SCHIP1: variants seen among roughly 807,000 people sequenced by gnomAD.
The protein encoded by SCHIP1 is schwannomin interacting protein 1, also known as schwannomin-interacting protein 1.
A neutral mutation model predicts 29.7 loss-of-function variants in SCHIP1; 8 were observed. The observed-to-expected ratio is 0.27, with a 90% CI of 0.16 to 0.49. The LOEUF (loss-of-function observed/expected upper bound fraction) is 0.49. Ranked by LOEUF, SCHIP1 falls within the 20% of genes least tolerant of loss-of-function variation. The pLI is 0.99. For missense variants in SCHIP1, 193 were observed against 294.6 expected, an observed-to-expected ratio of 0.66 and a Z score of 2.52; for synonymous variants, 76 against 94.9, an observed-to-expected ratio of 0.80 and a Z score of 1.16.
chr3:159,440,415 T>A, the SCHIP1 span, among the ~76,000 whole-genome samples: 1 of 152,142 alleles, frequency 6.6e-6, no homozygotes, highest in Non-Finnish European at 1.5e-5. Flanking sequence ...CTTAATGATA[T>A]GGCTGCACCT....
the SCHIP1 span, among the ~76,000 whole-genome samples, chr3:159,412,308 T>A: frequency 3.3e-5 from 5 of 152,206 alleles, no homozygotes; most frequent in Admixed American, 6.5e-5. Flanking sequence ...CATCTTTTGT[T>A]ATGAGGATTA....
the SCHIP1 span, among the ~76,000 whole-genome samples, chr3:159,660,274 G>A: frequency 1.3e-5 from 2 of 152,116 alleles, no homozygotes; most frequent in African/African-American, 2.4e-5. Flanking sequence ...GAGTATAGAT[G>A]ATGTCTGTGA....
chr3:159,781,054 T>C, the SCHIP1 span, among the ~76,000 whole-genome samples: 6 of 152,380 alleles, frequency 3.9e-5, no homozygotes, highest in African/African-American at 1.4e-4. Context: ...ATTTTTAATG[T>C]GAATTAAAGA....
the SCHIP1 span, among the ~76,000 whole-genome samples, chr3:159,468,737 A>ATAATATAATATATATATATATATAT: frequency 5.3e-5 from 7 of 132,972 alleles, no homozygotes; most frequent in East Asian, 2.2e-4. Flanking sequence ...TATATAATAT[A>ATAATATAATATATATATATATATAT]ATATATAATA....
At chr3:159,496,969 G>A in the SCHIP1 span, among the ~76,000 whole-genome samples, 29 of 152,140 alleles carry the variant, frequency 1.9e-4, 1 homozygote, top group South Asian at 2.5e-3. Context: ...CATGGATGAC[G>A]CTGGAAACCA....
At chr3:159,855,736 A>G (rs1185455588) in intron 1 of SCHIP1, among the ~76,000 whole-genome samples, 1 of 152,278 alleles carries the variant, frequency 6.6e-6, no homozygotes, top group South Asian at 2.1e-4. Flanking sequence ...AAAAATTGAT[A>G]CATCCCTGCT....
At chr3:159,496,968 C>A in the SCHIP1 span, among the ~76,000 whole-genome samples, 4 of 152,134 alleles carry the variant, frequency 2.6e-5, no homozygotes, top group East Asian at 1.9e-4. Flanking sequence ...ACATGGATGA[C>A]GCTGGAAACC....
the SCHIP1 span, among the ~76,000 whole-genome samples, chr3:159,318,630 C>CCTATTAT: frequency 6.6e-6 from 1 of 152,194 alleles, no homozygotes; most frequent in Non-Finnish European, 1.5e-5. Context: ...AGGGAACTCC[C>CCTATTAT]CCTGAGGCCA....
At chr3:159,710,816 G>A in the SCHIP1 span, among the ~76,000 whole-genome samples, 1 of 152,090 alleles carries the variant, frequency 6.6e-6, no homozygotes, top group Non-Finnish European at 1.5e-5. Context: ...GAGAAAAACA[G>A]GATAGTAACC....
upstream of SCHIP1, among the ~76,000 whole-genome samples, chr3:159,835,768 G>A (rs1026447546): frequency 4.6e-5 from 7 of 151,982 alleles, no homozygotes; most frequent in African/African-American, 1.2e-4. Context: ...TGCCCCTTCC[G>A]GGTCAGTTCC....
At chr3:159,387,303 C>G in the SCHIP1 span, 1 of 289,880 alleles carries the variant, frequency 3.4e-6, no homozygotes, top group Non-Finnish European at 6.8e-6. Context: ...TGAGGGATGC[C>G]CCCAGGAAAA....
the SCHIP1 span, among the ~76,000 whole-genome samples, chr3:159,415,338 T>C: frequency 1.3e-5 from 2 of 152,132 alleles, no homozygotes; most frequent in Admixed American, 1.3e-4. Context: ...CATGAGAAGG[T>C]TCGTTATATA....
At chr3:159,724,738 G>A in the SCHIP1 span, among the ~76,000 whole-genome samples, 1 of 152,304 alleles carries the variant, frequency 6.6e-6, no homozygotes, top group South Asian at 2.1e-4. Flanking sequence ...TCCTTTGCAA[G>A]TCAAGTGGTT....
At chr3:159,511,179 C>T in the SCHIP1 span, among the ~76,000 whole-genome samples, 5 of 152,340 alleles carry the variant, frequency 3.3e-5, no homozygotes, top group South Asian at 4.1e-4. Flanking sequence ...GGGCACCCCT[C>T]GCCCAGCCTC....
chr3:159,351,399 C>A, the SCHIP1 span, among the ~76,000 whole-genome samples: 1 of 152,082 alleles, frequency 6.6e-6, no homozygotes, highest in African/African-American at 2.4e-5. Context: ...CCAATACCTC[C>A]CACTTATTCT....
At chr3:159,626,175 T>G in the SCHIP1 span, among the ~76,000 whole-genome samples, 122 of 107,624 alleles carry the variant, frequency 1.1e-3, 4 homozygotes, top group African/African-American at 1.8e-3. Context: ...GATATATCTA[T>G]CTATCTAGAT....
the SCHIP1 span, among the ~76,000 whole-genome samples, chr3:159,574,777 C>G: frequency 6.6e-6 from 1 of 152,220 alleles, no homozygotes; most frequent in Non-Finnish European, 1.5e-5. Context: ...CCAGTTCGAG[C>G]TTCCCAGCCA....
At chr3:159,473,621 G>C in the SCHIP1 span, among the ~76,000 whole-genome samples, 1 of 146,964 alleles carries the variant, frequency 6.8e-6, no homozygotes, top group Non-Finnish European at 1.5e-5. Flanking sequence ...ATTGAATTTG[G>C]GCAAGAAGGG....
chr3:159,494,974 T>A, the SCHIP1 span, among the ~76,000 whole-genome samples: 8 of 152,158 alleles, frequency 5.3e-5, no homozygotes, highest in Admixed American at 5.2e-4. Flanking sequence ...ATAAATGTAA[T>A]CCAGCATATA....
Sources: gnomAD v4.1 joint callset for allele counts (sites outside exome capture counted in the v4.1 genomes callset) on GRCh38, gnomAD v4.1.1 for gene constraint, MANE v1.5 for transcripts, NCBI Gene and HGNC (gene_info 2026-07-23, HGNC 2026-07-21) for gene names.